The following CDH4 variants were observed in gnomAD, a reference collection of about 807,000 sequenced individuals.
CDH4 encodes the protein cadherin-4.
A neutral mutation model predicts 86.0 loss-of-function variants in CDH4; 33 were observed. That is an observed-to-expected ratio of 0.38 (90% CI 0.29 to 0.51). The LOEUF (loss-of-function observed/expected upper bound fraction) is 0.51, where lower values mean the gene tolerates loss of function less well. Among genes scored for constraint, CDH4 ranks in the 20% least tolerant of loss-of-function variants. The pLI is 0.86. For synonymous variants in CDH4, 555 were observed against 549.4 expected, an observed-to-expected ratio of 1.01 and a Z score of -0.14; for missense variants, 1,114 against 1,307.4, an observed-to-expected ratio of 0.85 and a Z score of 2.28.
intron 2 of CDH4, among the ~76,000 whole-genome samples, chr20:61,283,688 C>A (rs2084277505): frequency 6.6e-6 from 1 of 152,220 alleles, no homozygotes; most frequent in Admixed American, 6.5e-5. Context: ...GGGACTGATG[C>A]CATGATGAAA....
chr20:61,570,581 C>T (rs1248698205), intron 2 of CDH4: 5 of 685,634 alleles, frequency 7.3e-6, no homozygotes, highest in Non-Finnish European at 1.3e-5. Flanking sequence ...CTTCCTTTAC[C>T]CCATTGCTCT....
At chr20:61,925,812 G>A (rs935510685) in intron 11 of CDH4, among the ~76,000 whole-genome samples, 7 of 152,272 alleles carry the variant, frequency 4.6e-5, no homozygotes, top group African/African-American at 7.2e-5. Context: ...AGCTCCAGCC[G>A]TCACAGCCAT....
chr20:61,360,868 C>T (rs1175243259), intron 2 of CDH4, among the ~76,000 whole-genome samples: 11 of 152,104 alleles, frequency 7.2e-5, no homozygotes, highest in Admixed American at 7.2e-4. Flanking sequence ...TAGTTTTAAC[C>T]CCATCCATCA....
intron 2 of CDH4, among the ~76,000 whole-genome samples, chr20:61,714,279 C>T (rs1327786777): frequency 2.0e-5 from 3 of 152,186 alleles, no homozygotes; most frequent in South Asian, 4.2e-4. Flanking sequence ...ATCTCCTGAC[C>T]TCATGATCCG....
chr20:61,675,888 C>T (rs997366360), intron 2 of CDH4, among the ~76,000 whole-genome samples: 3 of 152,232 alleles, frequency 2.0e-5, no homozygotes, highest in African/African-American at 7.2e-5. Context: ...GCCAGGGTGC[C>T]CCTCACTGTG....
intron 2 of CDH4, among the ~76,000 whole-genome samples, chr20:61,713,712 C>G (rs992203713): frequency 6.6e-6 from 1 of 152,354 alleles, no homozygotes; most frequent in Admixed American, 6.5e-5. Context: ...TCCGTTTCCC[C>G]ATGTGAGCAG....
intron 2 of CDH4, among the ~76,000 whole-genome samples, chr20:61,411,208 G>A (rs2085117707): frequency 6.6e-6 from 1 of 151,610 alleles, no homozygotes; most frequent in African/African-American, 2.4e-5. Flanking sequence ...TGAGGTGCCT[G>A]CTTTCACGGG....
chr20:61,303,391 G>A (rs2084396079), intron 2 of CDH4, among the ~76,000 whole-genome samples: 1 of 152,228 alleles, frequency 6.6e-6, no homozygotes, highest in African/African-American at 2.4e-5. Context: ...CCAGGGCAGG[G>A]GTGGGGGACA....
At chr20:61,904,685 A>G (rs2054769513) in intron 8 of CDH4, among the ~76,000 whole-genome samples, 2 of 152,274 alleles carry the variant, frequency 1.3e-5, no homozygotes, top group Admixed American at 1.3e-4. Flanking sequence ...CGTGACACAG[A>G]GGGGACCACC....
intron 2 of CDH4, among the ~76,000 whole-genome samples, chr20:61,736,563 G>T (rs1484391037): frequency 1.3e-5 from 2 of 151,888 alleles, no homozygotes; most frequent in African/African-American, 4.8e-5. Context: ...CTGACTGGTG[G>T]TATCAGTGAT....
intron 2 of CDH4, among the ~76,000 whole-genome samples, chr20:61,405,072 C>A (rs1266461718): frequency 6.6e-6 from 1 of 152,136 alleles, no homozygotes; most frequent in African/African-American, 2.4e-5. Flanking sequence ...TCCCTTATTT[C>A]TACTGGGGTT....
intron 2 of CDH4, among the ~76,000 whole-genome samples, chr20:61,534,642 T>C (rs1256670074): frequency 7.5e-6 from 1 of 133,484 alleles, no homozygotes; most frequent in East Asian, 3.0e-4. Context: ...TTTCTTTTCT[T>C]TCTTTCTTTT....
At chr20:61,341,528 T>A (rs573609303) in intron 2 of CDH4, among the ~76,000 whole-genome samples, 1 of 151,606 alleles carries the variant, frequency 6.6e-6, no homozygotes, top group Non-Finnish European at 1.5e-5. Context: ...TTTTTTCTTT[T>A]TTTTTTTTTT....
At chr20:61,877,489 T>C (rs1190855928) in intron 7 of CDH4, among the ~76,000 whole-genome samples, 1 of 151,764 alleles carries the variant, frequency 6.6e-6, no homozygotes, top group African/African-American at 2.4e-5. Flanking sequence ...TTGAGGAACA[T>C]GAGGAGACGC....
At chr20:61,416,221 C>T (rs1435327919) in intron 2 of CDH4, among the ~76,000 whole-genome samples, 1 of 150,492 alleles carries the variant, frequency 6.6e-6, no homozygotes, top group Non-Finnish European at 1.5e-5. Context: ...AGGCTGGTCT[C>T]GAAGTCCTGA....
At chr20:61,793,964 T>C (rs921349627) in intron 4 of CDH4, among the ~76,000 whole-genome samples, 80 of 139,346 alleles carry the variant, frequency 5.7e-4, no homozygotes, top group Middle Eastern at 3.6e-3. Context: ...CGGTGAAACC[T>C]CGTCTCTACT....
chr20:61,391,352 T>G (rs1471551642), intron 2 of CDH4, among the ~76,000 whole-genome samples: 1 of 152,036 alleles, frequency 6.6e-6, no homozygotes, highest in Non-Finnish European at 1.5e-5. Context: ...GACACTTGCG[T>G]CAGGAGAAAG....
intron 2 of CDH4, among the ~76,000 whole-genome samples, chr20:61,498,070 G>A (rs13045031): frequency 8.6e-6 from 1 of 116,282 alleles, no homozygotes. Flanking sequence ...GGTGGGGGGA[G>A]GGGGGAGGGA....
At chr20:61,835,132 T>C (rs1981806423) in intron 4 of CDH4, among the ~76,000 whole-genome samples, 1 of 152,228 alleles carries the variant, frequency 6.6e-6, no homozygotes, top group Non-Finnish European at 1.5e-5. Context: ...CCCAGGCTGG[T>C]CTTGAACTCC....
Sources: allele counts gnomAD v4.1 joint callset (sites outside exome capture counted in the v4.1 genomes callset), GRCh38; gene constraint gnomAD v4.1.1; transcripts MANE v1.5; gene names NCBI Gene and HGNC (gene_info 2026-07-23, HGNC 2026-07-21).